Variants in ME2 observed in about 807,000 individuals in gnomAD.
ME2 encodes NAD-dependent malic enzyme, mitochondrial.
Under a neutral mutation model 73.7 loss-of-function variants are expected in ME2, and 60 were observed. That is an observed-to-expected ratio of 0.81 (90% CI 0.66 to 1.01). ME2 has a LOEUF of 1.01. Ranked by LOEUF, ME2 falls within the 50% of genes least tolerant of loss-of-function variation. The pLI, the probability that ME2 is intolerant of heterozygous loss-of-function variation, is 0.00. For synonymous variants in ME2, 199 were observed against 236.9 expected, an observed-to-expected ratio of 0.84 and a Z score of 1.47; for missense variants, 594 against 705.5, an observed-to-expected ratio of 0.84 and a Z score of 1.79.
chr18:50,947,138 A>G lies in ME2; in HGVS notation c.1709A>G (p.Tyr570Cys), dbSNP rs755022010. 1.2e-6 allele frequency: 2 copies of G among 1,613,832 alleles called. No individual in the cohort carries two copies. The highest frequency in any genetic ancestry group is 1.1e-5 in the South Asian group (1 of 91,064). Reference sequence around the variant, plus strand: ...TATGATTCCCTGCTGCCAGATGTGTATGAATGGCCAGAATCTGCATCAAGC... The same window carrying G: ...TATGATTCCCTGCTGCCAGATGTGTGTGAATGGCCAGAATCTGCATCAAGC... ...SEYDSLLPDVYEWPESASSPP... is the reference protein window; with the variant it reads ...SEYDSLLPDVCEWPESASSPP... Residue 570 changes from tyrosine (Y) to cysteine (C), a missense_variant, in exon 16 of 16, where the codon TAT becomes TGT. By Grantham distance (194) the Tyr-to-Cys change is radical (BLOSUM62 -2). Coordinates refer to ENST00000321341, the MANE Select transcript of ME2 (RefSeq NM_002396.5).
chr18:50,942,061 T>A (rs1307613365), intron 15 of ME2, among the ~76,000 whole-genome samples: 3 of 152,118 alleles, frequency 2.0e-5, no homozygotes, highest in Non-Finnish European at 4.4e-5. Flanking sequence ...TTGTTTATTT[T>A]GTGGATTCTC....
rs900409123 is a variant in ME2 at position 50,949,835 on chromosome 18, A to G, written c.*2651A>G. ...TTGTTATTTACCAGTCAATCTTTCAACAAGTATCAATTATTGGATGTAAAT... is the reference window on the plus strand; with the variant it reads ...TTGTTATTTACCAGTCAATCTTTCAGCAAGTATCAATTATTGGATGTAAAT... On this transcript the variant is annotated 3_prime_UTR_variant, in exon 16 of 16. Transcript: ENST00000321341. 6.6e-6 allele frequency: 1 copy of G among 152,214 alleles called. No individual in the cohort carries two copies. Among genetic ancestry groups the G allele is most frequent in the Non-Finnish European group, 1.5e-5 (1 of 68,042 alleles). 9.4% of individuals were successfully genotyped at this position (152,214 alleles called of 1,614,324 possible). A position where few individuals can be genotyped will look rare whatever the true frequency, so the allele number is the denominator to read the frequency against.
intron 13 of ME2, among the ~76,000 whole-genome samples, chr18:50,938,837 TGTAG>T (rs1320473653): frequency 6.6e-5 from 10 of 151,874 alleles, no homozygotes; most frequent in African/African-American, 2.4e-4. Flanking sequence ...TAGAAGAAAA[TGTAG>T]ACAATTGAGT....
Position 50,908,211 on chromosome 18 carries a change from G to T in ME2, c.242+15G>T. 6.4e-7 allele frequency: 1 copy of T among 1,556,680 alleles called. No individual in the cohort carries two copies. Among genetic ancestry groups the T allele is most frequent in the Non-Finnish European group, 8.7e-7 (1 of 1,155,188 alleles). On this transcript the variant is annotated intron_variant, in intron 3 of 15. Coordinates refer to ENST00000321341, the MANE Select transcript of ME2 (RefSeq NM_002396.5). The stretch of plus-strand genomic sequence containing the variant: ...CCTTTGGAAAAGTAAGAGTTGCTTA[G>T]ATGTTTCTTTTTTTATTGGTATTCT...
intron 1 of ME2, among the ~76,000 whole-genome samples, chr18:50,882,975 A>C (rs546350148): frequency 1.3e-5 from 2 of 152,280 alleles, no homozygotes; most frequent in South Asian, 2.1e-4. Flanking sequence ...CAAAAAAACT[A>C]CTGCAATCTA....
At chr18:50,908,035 T>C in intron 2 of ME2, 28 bp from the exon 3 acceptor site, 1 of 1,478,968 alleles carries the variant, frequency 6.8e-7, no homozygotes, top group Non-Finnish European at 9.1e-7. Flanking sequence ...AAGTAATAAT[T>C]TTTAATCCTT....
Position 50,931,188 on chromosome 18 carries a change from C to T in ME2, c.1315-1070C>T, listed in dbSNP as rs150322994. Reference sequence around the variant, plus strand: ...ACATTTATTATATGCCATTATAGAGCATAGTATCAAAATTGGATAGATGTG... The same window carrying T: ...ACATTTATTATATGCCATTATAGAGTATAGTATCAAAATTGGATAGATGTG... On this transcript the variant is annotated intron_variant, in intron 12 of 15. Coordinates refer to ENST00000321341, the MANE Select transcript of ME2 (RefSeq NM_002396.5). Among the ~76,000 whole-genome samples, 82 of 152,278 alleles carry T rather than the reference C, an allele frequency of 5.4e-4. No homozygotes were observed. In the East Asian group the frequency reaches 0.013, roughly 24 times the overall value.
rs1422933428 is a variant in ME2, at chr18:50,951,035, CAT to C, written c.*3854_*3855del. 9.2e-5 allele frequency: 14 copies of C among 152,246 alleles called. No homozygotes were observed. The highest frequency in any genetic ancestry group is 6.2e-4 in the South Asian group (3 of 4,824). The allele number at this position is 152,246 out of a possible 1,614,324, so 9.4% of individuals were successfully genotyped here. A position where few individuals can be genotyped will look rare whatever the true frequency, so the allele number is the denominator to read the frequency against. The stretch of plus-strand genomic sequence containing the variant: ...AGAACAAAAATAGAGAATTTTTGAA[CAT>C]ATTTTTCTGAAAACATAAAAACTAG... On this transcript the variant is annotated 3_prime_UTR_variant, in exon 16 of 16. Transcript: ENST00000321341.
rs1489658072 is a variant in ME2 at position 50,948,670 on chromosome 18, A to C, written c.*1486A>C. The C allele has an allele frequency of 1.3e-5, 2 of 151,248 alleles. No homozygotes were observed. Among genetic ancestry groups the C allele is most frequent in the African/African-American group, 2.4e-5 (1 of 40,996 alleles). 9.4% of individuals were successfully genotyped at this position (151,248 alleles called of 1,614,324 possible). On this transcript the variant is annotated 3_prime_UTR_variant, in exon 16 of 16. Coordinates refer to ENST00000321341, the MANE Select transcript of ME2 (RefSeq NM_002396.5). ...GCAGTTCTCCTGCCTCAGCCTCCCA[A>C]GTAGCTGGGACTACAGGTACACGCC... is the stretch of plus-strand genomic sequence containing the variant.
At chr18:50,885,451 A>C (rs1274774011) in intron 1 of ME2, among the ~76,000 whole-genome samples, 1 of 152,098 alleles carries the variant, frequency 6.6e-6, no homozygotes, top group Non-Finnish European at 1.5e-5. Flanking sequence ...CCAGGAGTTC[A>C]AGACTGCAGT....
At chr18:50,883,450 C>T (rs1053049482) in intron 1 of ME2, among the ~76,000 whole-genome samples, 5 of 152,202 alleles carry the variant, frequency 3.3e-5, no homozygotes, top group Non-Finnish European at 5.9e-5. Context: ...AAATACCACC[C>T]AGAGGGTGAG....
rs1002156993 is a variant in ME2, at chr18:50,912,846, T to G, written c.288T>G (p.Phe96Leu). ...TACAAGAAAGAAATGAGAAATTGTT[T>G]TATAGAATACTGCAAGATGACATTG... The part of the protein sequence containing the change: ...MGIQERNEKL[F>L]YRILQDDIES... Residue 96 changes from phenylalanine to leucine, a missense_variant, in exon 4 of 16, where the codon TTT becomes TTG. Transcript: ENST00000321341. 54 of 1,605,782 alleles carry G rather than the reference T, an allele frequency of 3.4e-5. No homozygotes were observed. Among genetic ancestry groups the G allele is most frequent in the Non-Finnish European group, 4.4e-5 (52 of 1,174,986 alleles).
intron 13 of ME2, chr18:50,934,077 C>T (rs985578829): frequency 1.3e-5 from 2 of 151,904 alleles, no homozygotes; most frequent in South Asian, 4.2e-4. Context: ...TCCAGTTTAC[C>T]ATTGATGGGC....
At chr18:50,936,832 G>A (rs1470474564) in intron 13 of ME2, among the ~76,000 whole-genome samples, 1 of 152,090 alleles carries the variant, frequency 6.6e-6, no homozygotes, top group African/African-American at 2.4e-5. Flanking sequence ...TCCAGACACC[G>A]AGGACAGATG....
At chr18:50,913,028 CTATTT>C in intron 4 of ME2, 78 bp downstream of exon 4, 3 of 1,278,262 alleles carry the variant, frequency 2.3e-6, no homozygotes, top group Non-Finnish European at 3.2e-6. Context: ...CATTACATTT[CTATTT>C]TATGTTTGTT....
At chr18:50,897,069 C>G (rs900818751) in intron 2 of ME2, among the ~76,000 whole-genome samples, 1 of 152,154 alleles carries the variant, frequency 6.6e-6, no homozygotes, top group African/African-American at 2.4e-5. Context: ...CTCTGAAACC[C>G]CATAGCAGTT....
rs186428659 is a variant in ME2, at chr18:50,888,029, G to A, written c.-12-7780G>A. 2.0e-4 allele frequency among the ~76,000 whole-genome samples: 31 copies of A among 152,268 alleles called. No individual in the cohort carries two copies. In the East Asian group the frequency reaches 4.8e-3, roughly 24 times the overall value. On this transcript the variant is annotated intron_variant, in intron 1 of 15. Coordinates refer to ENST00000321341, the MANE Select transcript of ME2 (RefSeq NM_002396.5). ...ACTAAAGAGCTATATAAGAAGTTAG[G>A]TGGTGGATAAATTGCTTAATTAAGA... is the stretch of plus-strand genomic sequence containing the variant.
rs1218499403 is a variant in ME2 at position 50,953,689 on chromosome 18, T to C, written c.*6505T>C. On this transcript the variant is annotated 3_prime_UTR_variant, in exon 16 of 16. Coordinates refer to ENST00000321341, the MANE Select transcript of ME2 (RefSeq NM_002396.5). ...TTCACTTTAGGAATCCACCTGTCAA[T>C]TTGCAATTCAATTATAAGGTATATT... The C allele has an allele frequency of 6.6e-6, 1 of 152,202 alleles. No homozygotes were observed. The highest frequency in any genetic ancestry group is 6.5e-5 in the Admixed American group (1 of 15,276). The allele number at this position is 152,202 out of a possible 1,614,324, so 9.4% of individuals were successfully genotyped here.
chr18:50,927,545 A>C (rs1329490547), intron 12 of ME2, among the ~76,000 whole-genome samples: 1 of 150,860 alleles, frequency 6.6e-6, no homozygotes, highest in East Asian at 1.9e-4. Flanking sequence ...CTAAAAATAC[A>C]AAAAAAATTA....
Sources: allele counts gnomAD v4.1 joint callset (sites outside exome capture counted in the v4.1 genomes callset), GRCh38; gene constraint gnomAD v4.1.1; transcripts MANE v1.5; gene names NCBI Gene and HGNC (gene_info 2026-07-23, HGNC 2026-07-21).